The following PAPLN variants were observed in gnomAD, a reference collection of about 807,000 sequenced individuals.
PAPLN encodes papilin.
In PAPLN, 146 loss-of-function variants were observed where a neutral mutation model predicts 159.0. That is an observed-to-expected ratio of 0.92 (90% CI 0.80 to 1.05). The LOEUF (loss-of-function observed/expected upper bound fraction) is 1.05, where lower values mean the gene tolerates loss of function less well. Among genes scored for constraint, PAPLN ranks in the 50% least tolerant of loss-of-function variants. The pLI is 0.00. For missense variants in PAPLN, 1,720 were observed against 1,743.9 expected (o/e 0.99, Z 0.24); for synonymous variants, 734 against 702.9 (o/e 1.04, Z -0.70).
intron 5 of PAPLN, 138 bp downstream of exon 5, chr14:73,246,313 C>G (rs1884318143): frequency 1.4e-6 from 1 of 739,334 alleles, no homozygotes; most frequent in Non-Finnish European, 2.0e-6. Flanking sequence ...CCAGGCTGGT[C>G]TTGAACTCCT....
Position 73,262,692 on chromosome 14 carries a change from A to G in PAPLN, c.2588A>G (p.Gln863Arg). 2 of 1,510,950 alleles carry G rather than the reference A, an allele frequency of 1.3e-6. No homozygotes were observed. Among genetic ancestry groups the G allele is most frequent in the Non-Finnish European group, 8.8e-7 (1 of 1,130,368 alleles). The allele number at this position is 1,510,950 out of a possible 1,614,324, so 93.6% of individuals were successfully genotyped here. A position where few individuals can be genotyped will look rare whatever the true frequency, so the allele number is the denominator to read the frequency against. ...GGTGGTCTCTGGCGGCAAGACCAACAGCCTGGGCCAGGGGAGGCCCCCCAC... is the reference window on the plus strand; with the variant it reads ...GGTGGTCTCTGGCGGCAAGACCAACGGCCTGGGCCAGGGGAGGCCCCCCAC... ...PSGGLWRQDQ[Q>R]PGPGEAPHTQ... The change falls in exon 19 of 27, where the codon CAG becomes CGG. Residue 863 changes from glutamine to arginine, a missense_variant. Physicochemically the swap from Gln to Arg is conservative, Grantham distance 43. Coordinates refer to ENST00000644200, the MANE Select transcript of PAPLN (RefSeq NM_001365906.3).
At position 73,252,031 on chromosome 14, in the gene PAPLN, A is replaced by T; in HGVS notation, c.857A>T (p.Glu286Val). ...CTCCCGTGACAGCTCATCAGCCAGG[A>T]GCCCAACCCCGGTGTGCACTATGAG... Reference protein sequence around the residue: ...EPLVIELISQEPNPGVHYEYH... With the variant: ...EPLVIELISQVPNPGVHYEYH... Residue 286 changes from glutamate (E) to valine (V), a missense_variant, in exon 10 of 27, where the codon GAG becomes GTG. Transcript: ENST00000644200. The T allele has an allele frequency of 6.2e-7, 1 of 1,609,702 alleles. No homozygotes were observed. The highest frequency in any genetic ancestry group is 8.5e-7 in the Non-Finnish European group (1 of 1,177,806).
At position 73,252,700 on chromosome 14, in the gene PAPLN, A is replaced by T; in HGVS notation, c.1019A>T (p.Asp340Val). The T allele has an allele frequency of 6.2e-7, 1 of 1,613,418 alleles. No homozygotes were observed. The highest frequency in any genetic ancestry group is 8.5e-7 in the Non-Finnish European group (1 of 1,179,962). The part of the protein sequence containing the change: ...FCTIDHEAYP[D>V]HMCQRQPRPA... ...ACCATCGACCATGAGGCCTACCCCGACCACATGTGCCAGCGCCAGCCACGG... is the reference window on the plus strand; with the variant it reads ...ACCATCGACCATGAGGCCTACCCCGTCCACATGTGCCAGCGCCAGCCACGG... Residue 340 changes from aspartate (D) to valine (V), a missense_variant, in exon 11 of 27, where the codon GAC (aspartate) becomes GTC (valine). Transcript: ENST00000644200.
At chr14:73,249,572 G>T (rs1179245639) in intron 5 of PAPLN, among the ~76,000 whole-genome samples, 1 of 151,512 alleles carries the variant, frequency 6.6e-6, no homozygotes, top group East Asian at 1.9e-4. Context: ...TACTAGGGGG[G>T]CTGAGGCAGG....
At chr14:73,247,264 T>G (rs1211744640) in intron 5 of PAPLN, among the ~76,000 whole-genome samples, 3 of 152,154 alleles carry the variant, frequency 2.0e-5, no homozygotes, top group African/African-American at 7.2e-5. Context: ...AGTCATTAAT[T>G]TTTAGAGAAA....
At chr14:73,263,836 C>T in intron 20 of PAPLN, 54 bp downstream of exon 20, 1 of 1,539,558 alleles carries the variant, frequency 6.5e-7, no homozygotes, top group Non-Finnish European at 8.7e-7. Context: ...CCCCTACCTT[C>T]CCTGACAGGT....
chr14:73,269,804 G>A (rs1167814528), intron 26 of PAPLN, among the ~76,000 whole-genome samples: 1 of 152,174 alleles, frequency 6.6e-6, no homozygotes, highest in Non-Finnish European at 1.5e-5. Flanking sequence ...GGTCTTCTGG[G>A]CATTCCTGAC....
chr14:73,236,891 T>C (rs1594766762), upstream of PAPLN, among the ~76,000 whole-genome samples: 1 of 108,176 alleles, frequency 9.2e-6, no homozygotes, highest in African/African-American at 3.5e-5. Flanking sequence ...GGGAGGAAAG[T>C]AGAAAGAAAG....
intron 1 of PAPLN, 179 bp from the exon 2 acceptor site, chr14:73,239,594 C>T: frequency 1.6e-6 from 2 of 1,260,052 alleles, no homozygotes; most frequent in Non-Finnish European, 2.1e-6. Flanking sequence ...TGTTGAGCCG[C>T]CCGGCGGGGC....
At position 73,254,933 on chromosome 14, in the gene PAPLN, G is replaced by A; in HGVS notation, c.1542G>A (p.Gly514=). ...TRRRQVICAI[G]PPSHCGSLQH... is the part of the protein sequence containing the mutation. ...GGCGACAGGTCATCTGTGCCATTGG[G>A]CCGCCCAGCCACTGCGGGAGCCTGC... The change falls in exon 14 of 27, where the codon GGG becomes GGA. Residue 514 remains glycine, a synonymous_variant. Coordinates refer to ENST00000644200, the MANE Select transcript of PAPLN (RefSeq NM_001365906.3). The A allele has an allele frequency of 6.2e-7, 1 of 1,613,402 alleles. No homozygotes were observed. Among genetic ancestry groups the A allele is most frequent in the Non-Finnish European group, 8.5e-7 (1 of 1,179,976 alleles).
intron 6 of PAPLN, among the ~76,000 whole-genome samples, chr14:73,250,658 C>G (rs1160702087): frequency 6.6e-6 from 1 of 152,162 alleles, no homozygotes; most frequent in African/African-American, 2.4e-5. Context: ...GAGCTCCGTT[C>G]AAACTCTGCG....
In PAPLN at chr14:73,263,927, T is replaced by G. The variant is rs371879790; in HGVS notation, c.2861+145T>G. ...TGACAGGTGTGTGTGACAGCCCCCC[T>G]ACCCCCTCTGACAGGTGTGTGTGAC... On this transcript the variant is annotated intron_variant, in intron 20 of 26. Transcript: ENST00000644200. The G allele has an allele frequency of 3.7e-3, 1,955 of 522,304 alleles. 11 individuals are homozygous for G. Among genetic ancestry groups the G allele is most frequent in the African/African-American group, 0.033 (799 of 24,154 alleles). 32.4% of individuals were successfully genotyped at this position (522,304 alleles called of 1,614,324 possible).
At chr14:73,264,477 C>T (rs1305457899) in intron 21 of PAPLN, 111 bp from the exon 22 acceptor site, 2 of 1,517,412 alleles carry the variant, frequency 1.3e-6, no homozygotes, top group African/African-American at 2.8e-5. Context: ...TGGCAGGGAC[C>T]ACCCTGTGGC....
At chr14:73,261,021 C>A in intron 17 of PAPLN, 135 bp from the exon 18 acceptor site, 1 of 1,476,920 alleles carries the variant, frequency 6.8e-7, no homozygotes, top group Non-Finnish European at 9.2e-7. Flanking sequence ...TTTCATCCAA[C>A]ATTCTCCTGG....
rs776841322 is a variant in PAPLN at position 73,251,065 on chromosome 14, C to T, written c.589+35C>T. ...GTTCCGACAAGGGGCAGTTGCCTGC[C>T]CCCTTCCTTGCCTGTCCCTTCCTTG... On this transcript the variant is annotated intron_variant, in intron 7 of 26. Transcript: ENST00000644200. The T allele has an allele frequency of 3.8e-6, 6 of 1,591,036 alleles. No homozygotes were observed. The East Asian group carries it at 6.7e-5, about 18-fold the overall frequency.
At chr14:73,264,417 G>A in intron 21 of PAPLN, 82 bp downstream of exon 21, 1 of 1,559,948 alleles carries the variant, frequency 6.4e-7, no homozygotes, top group Non-Finnish European at 8.7e-7. Flanking sequence ...ACCGAGGGCT[G>A]CCTCACGCTA....
chr14:73,239,501 CT>C (rs1360504943), intron 1 of PAPLN: 13 of 478,332 alleles, frequency 2.7e-5, no homozygotes, highest in Admixed American at 4.1e-5. Context: ...ATTGCTCTCT[CT>C]TTTTTTCCCC....
intron 12 of PAPLN, among the ~76,000 whole-genome samples, 174 bp from the exon 13 acceptor site, chr14:73,254,339 A>G (rs989747877): frequency 6.6e-6 from 1 of 152,174 alleles, no homozygotes; most frequent in Non-Finnish European, 1.5e-5. Flanking sequence ...GTCAGTAGCC[A>G]TGGTTCAGGC....
In PAPLN at chr14:73,264,603, T is replaced by G. The variant is rs1382062148; in HGVS notation, c.3002T>G (p.Val1001Gly). The change falls in exon 22 of 27, where the codon GTG (valine) becomes GGG (glycine). Residue 1001 changes from valine (V) to glycine (G), a missense_variant. Physicochemically the swap from Val to Gly is moderately radical, Grantham distance 109 (BLOSUM62 -3). Coordinates refer to ENST00000644200, the MANE Select transcript of PAPLN (RefSeq NM_001365906.3). ...CTCATGACAGGGGGTGACATGGCCGTGCTGTCTGAGGCTGAGCTGAGCCGC... is the reference window on the plus strand; with the variant it reads ...CTCATGACAGGGGGTGACATGGCCGGGCTGTCTGAGGCTGAGCTGAGCCGC... ...QLRIIGGDMAVLSEAELSRFP... is the reference protein window; with the variant it reads ...QLRIIGGDMAGLSEAELSRFP... 1.2e-6 allele frequency: 2 copies of G among 1,600,088 alleles called. No individual in the cohort carries two copies.
Sources: allele counts gnomAD v4.1 joint callset (sites outside exome capture counted in the v4.1 genomes callset), GRCh38; gene constraint gnomAD v4.1.1; transcripts MANE v1.5; gene names NCBI Gene and HGNC (gene_info 2026-07-23, HGNC 2026-07-21).